PCNX2: variants seen among roughly 807,000 people sequenced by gnomAD.
PCNX2 encodes the protein pecanex 2, also known as pecanex-like protein 2.
Under a neutral mutation model 223.8 loss-of-function variants are expected in PCNX2, and 168 were observed. The ratio of observed to expected loss-of-function variants is 0.75; its 90% CI spans 0.66 to 0.85. The LOEUF (loss-of-function observed/expected upper bound fraction) is 0.85. Ranked by LOEUF, PCNX2 falls within the 40% of genes least tolerant of loss-of-function variation. PCNX2 has a pLI of 0.00. For synonymous variants in PCNX2, 1,006 were observed against 1,052.6 expected, an observed-to-expected ratio of 0.96 and a Z score of 0.86; for missense variants, 2,507 against 2,675.5, an observed-to-expected ratio of 0.94 and a Z score of 1.39.
At chr1:233,102,631 T>C (rs749624108) in intron 21 of PCNX2, among the ~76,000 whole-genome samples, 1 of 152,228 alleles carries the variant, frequency 6.6e-6, no homozygotes, top group Non-Finnish European at 1.5e-5. Context: ...AGAGCACTTT[T>C]TCATATACTT....
At chr1:233,157,351 T>C (rs543213336) in intron 19 of PCNX2, among the ~76,000 whole-genome samples, 9 of 152,266 alleles carry the variant, frequency 5.9e-5, no homozygotes, top group South Asian at 4.2e-4. Context: ...TTTCCATCTA[T>C]GTAAAATGGT....
chr1:233,072,818 A>G (rs1357857644), intron 23 of PCNX2, among the ~76,000 whole-genome samples: 1 of 152,172 alleles, frequency 6.6e-6, no homozygotes, highest in Non-Finnish European at 1.5e-5. Flanking sequence ...TACATTCATA[A>G]GAAAAATTGG....
rs141432578 is a variant in PCNX2 at position 233,000,515 on chromosome 1, G to C, written c.5118C>G (p.Asp1706Glu). The C allele has an allele frequency of 6.3e-7, 1 of 1,598,562 alleles. No individual in the cohort carries two copies. Residue 1706 changes from aspartate to glutamate, a missense_variant, in exon 30 of 34, where the codon GAC becomes GAG. Around this residue, in one of 3 missense-constraint regions of PCNX2, gnomAD observed 1,372 missense variants for 1,509.4 expected, o/e 0.91. Coordinates refer to ENST00000258229, the MANE Select transcript of PCNX2 (RefSeq NM_014801.4). This position sits in a 1 kb window ranked among gnomAD's most constrained non-coding sequence, Gnocchi z 4.6. ...KLHQDQFTCPDEYEDPAVLYE... is the reference protein window; with the variant it reads ...KLHQDQFTCPEEYEDPAVLYE... ...AGAGGACTGCTGGGTCTTCATACTC[G>C]TCAGGGCAAGTGAACTGGTCCTGGT...
At chr1:232,999,698 C>T (rs915419332) in intron 30 of PCNX2, 3 of 273,590 alleles carry the variant, frequency 1.1e-5, no homozygotes, top group Non-Finnish European at 2.1e-5. Flanking sequence ...AGGTGATCCA[C>T]ACGCCTCGGC....
chr1:233,085,853 T>C (rs1157149431), intron 23 of PCNX2, among the ~76,000 whole-genome samples: 1 of 152,092 alleles, frequency 6.6e-6, no homozygotes. Context: ...CCTATTTCAG[T>C]CCCAGTCACC....
At chr1:233,022,110 G>A (rs1465390720) in intron 26 of PCNX2, among the ~76,000 whole-genome samples, 5 of 152,088 alleles carry the variant, frequency 3.3e-5, no homozygotes, top group South Asian at 2.1e-4. Flanking sequence ...GCCTGTCCAC[G>A]TGTCTGGCTC....
rs1670033868 is a variant in PCNX2, at chr1:233,000,232, C to T, written c.5328+73G>A. On this transcript the variant is annotated intron_variant, in intron 30 of 33. Transcript: ENST00000258229. The surrounding 1 kb of genome is among the most constrained non-coding windows in gnomAD (Gnocchi z 4.6). ...ACTCCTGTGTCAGTGCCCCCCTGCCCACCACCATTCTATTTCTTCTCAGAT... is the reference window on the plus strand; with the variant it reads ...ACTCCTGTGTCAGTGCCCCCCTGCCTACCACCATTCTATTTCTTCTCAGAT... 2.1e-6 allele frequency: 3 copies of T among 1,410,638 alleles called. No homozygotes were observed. Among genetic ancestry groups the T allele is most frequent in the Non-Finnish European group, 3.0e-6 (3 of 996,380 alleles). 87.4% of individuals were successfully genotyped at this position (1,410,638 alleles called of 1,614,324 possible).
At chr1:233,092,830 G>T (rs1268920610) in intron 22 of PCNX2, among the ~76,000 whole-genome samples, 5 of 151,712 alleles carry the variant, frequency 3.3e-5, no homozygotes, top group Non-Finnish European at 7.4e-5. Context: ...ATGAAGTCTC[G>T]CTCTGTCACC....
At chr1:233,246,638 C>A (rs1398579434) in intron 8 of PCNX2, among the ~76,000 whole-genome samples, 1 of 152,160 alleles carries the variant, frequency 6.6e-6, no homozygotes, top group East Asian at 1.9e-4. Context: ...TCGTTCAGGG[C>A]CACGAACTGC....
intron 1 of PCNX2, among the ~76,000 whole-genome samples, chr1:233,266,453 C>T (rs1660337390): frequency 6.6e-6 from 1 of 152,168 alleles, no homozygotes; most frequent in African/African-American, 2.4e-5. Context: ...TCTTCCGAGG[C>T]TCCTCCAATT....
At chr1:233,228,108 G>A (rs971198862) in intron 9 of PCNX2, among the ~76,000 whole-genome samples, 2 of 152,164 alleles carry the variant, frequency 1.3e-5, no homozygotes, top group Non-Finnish European at 2.9e-5. Context: ...GTTGGTAATA[G>A]AATGTGTTTA....
chr1:233,065,681 A>G (rs994057736), intron 23 of PCNX2: 2 of 152,056 alleles, frequency 1.3e-5, no homozygotes, highest in Non-Finnish European at 2.9e-5. Context: ...CAAAAGAAAA[A>G]AAAAAAGCAT....
chr1:233,178,740 C>A (rs898055432), intron 16 of PCNX2, among the ~76,000 whole-genome samples: 1 of 152,158 alleles, frequency 6.6e-6, no homozygotes, highest in Non-Finnish European at 1.5e-5. Context: ...GTTGAGGAGG[C>A]AGCTTCTTAC....
At chr1:233,266,076 T>C (rs1205328880) in intron 1 of PCNX2, among the ~76,000 whole-genome samples, 1 of 152,210 alleles carries the variant, frequency 6.6e-6, no homozygotes, top group African/African-American at 2.4e-5. Context: ...CTTTGTCATA[T>C]CTGCAGCCCA....
intron 1 of PCNX2, among the ~76,000 whole-genome samples, chr1:233,263,821 AG>A (rs1320808967): frequency 6.6e-6 from 1 of 152,148 alleles, no homozygotes; most frequent in Non-Finnish European, 1.5e-5. Flanking sequence ...CTCATCTTAA[AG>A]GCCAGAGATG....
At chr1:233,286,913 T>G (rs1470385101) in intron 1 of PCNX2, among the ~76,000 whole-genome samples, 1 of 152,180 alleles carries the variant, frequency 6.6e-6, no homozygotes, top group African/African-American at 2.4e-5. Flanking sequence ...AATGACTGGA[T>G]GATGGTAGCT....
Position 233,258,817 on chromosome 1 carries a change from A to T in PCNX2, c.1045T>A (p.Ser349Thr). 6.2e-7 allele frequency: 1 copy of T among 1,613,902 alleles called. No homozygotes were observed. The highest frequency in any genetic ancestry group is 8.5e-7 in the Non-Finnish European group (1 of 1,179,880). The change falls in exon 5 of 34, where the codon TCC becomes ACC. Residue 349 changes from serine (S) to threonine (T), a missense_variant. By Grantham distance (58) the Ser-to-Thr change is moderately conservative. Coordinates refer to ENST00000258229, the MANE Select transcript of PCNX2 (RefSeq NM_014801.4). Reference protein sequence around the residue: ...GDLPLHQEVDSSDSEVAVTLI... With the variant: ...GDLPLHQEVDTSDSEVAVTLI... ...GTAACAGCTACCTCACTATCTGAGG[A>T]GTCCACTTCCTGGTGCAAGGGCAGG...
chr1:233,027,412 T>C (rs1402553976), intron 25 of PCNX2, among the ~76,000 whole-genome samples: 2 of 152,196 alleles, frequency 1.3e-5, no homozygotes, highest in African/African-American at 4.8e-5. Context: ...TGGCACCTTA[T>C]TGCACAGGCT....
chr1:233,118,618 T>C (rs1286177976), intron 21 of PCNX2, among the ~76,000 whole-genome samples: 1 of 151,720 alleles, frequency 6.6e-6, no homozygotes, highest in Non-Finnish European at 1.5e-5. Context: ...ATTCAATTCA[T>C]AGTCACTCAA....
Sources: allele counts gnomAD v4.1 joint callset (sites outside exome capture counted in the v4.1 genomes callset), GRCh38; gene constraint gnomAD v4.1.1; regional missense constraint gnomAD v4.1.1; non-coding constraint Gnocchi (gnomAD v3.1); transcripts MANE v1.5; gene names NCBI Gene and HGNC (gene_info 2026-07-23, HGNC 2026-07-21).